The following CDKL4 variants were observed in gnomAD, a reference collection of about 807,000 sequenced individuals.
CDKL4 encodes cyclin dependent kinase like 4, also known as cyclin-dependent kinase-like 4.
In CDKL4, 44 loss-of-function variants were observed where a neutral mutation model predicts 42.0. The observed-to-expected ratio is 1.05, with a 90% confidence interval of 0.82 to 1.35. The LOEUF (loss-of-function observed/expected upper bound fraction) is 1.35. Ranked by LOEUF, CDKL4 falls within the 40% of genes most tolerant of loss-of-function variation. The pLI is 0.00. For synonymous variants in CDKL4, 120 were observed against 121.6 expected, an observed-to-expected ratio of 0.99 and a Z score of 0.09; for missense variants, 393 against 369.9, an observed-to-expected ratio of 1.06 and a Z score of -0.51.
At chr2:39,203,740 G>A (rs1202190478) in intron 5 of CDKL4, among the ~76,000 whole-genome samples, 1 of 152,122 alleles carries the variant, frequency 6.6e-6, no homozygotes, top group Non-Finnish European at 1.5e-5. Context: ...TTTGTAACTC[G>A]ATAGTTTTCC....
chr2:39,230,234 C>T (rs1465226734), intron 1 of CDKL4, among the ~76,000 whole-genome samples: 1 of 152,190 alleles, frequency 6.6e-6, no homozygotes, highest in Non-Finnish European at 1.5e-5. Context: ...ACAAAATTAG[C>T]CAGGTGTGGT....
Position 39,179,391 on chromosome 2 carries a change from G to A in CDKL4, c.793-70C>T, listed in dbSNP as rs910297203. The A allele has an allele frequency of 6.5e-6, 8 of 1,222,844 alleles. No individual in the cohort carries two copies. In the East Asian group the frequency reaches 1.7e-4, roughly 26 times the overall value. 75.7% of individuals were successfully genotyped at this position (1,222,844 alleles called of 1,614,324 possible). A position where few individuals can be genotyped will look rare whatever the true frequency, so the allele number is the denominator to read the frequency against. ...CATTTTGTTACCGTGCCCACAAACT[G>A]AATAACTTGCTAGGATAAATATGAG... On this transcript the variant is annotated intron_variant, in intron 8 of 9. Transcript: ENST00000451199.
chr2:39,221,682 T>A (rs982412927), intron 3 of CDKL4, among the ~76,000 whole-genome samples: 1 of 152,236 alleles, frequency 6.6e-6, no homozygotes, highest in Non-Finnish European at 1.5e-5. Flanking sequence ...AACTTAAGAG[T>A]GCAAAGTGGG....
chr2:39,192,226 T>A (rs529539494), intron 5 of CDKL4, among the ~76,000 whole-genome samples: 1 of 152,316 alleles, frequency 6.6e-6, no homozygotes, highest in African/African-American at 2.4e-5. Context: ...TCATATATGC[T>A]CACTGCAGAG....
intron 1 of CDKL4, among the ~76,000 whole-genome samples, chr2:39,235,039 A>T (rs934248162): frequency 6.6e-6 from 1 of 151,962 alleles, no homozygotes; most frequent in Non-Finnish European, 1.5e-5. Context: ...CACCTGGTTA[A>T]TATTATTTAT....
chr2:39,239,102 T>C (rs1679516937), intron 1 of CDKL4, among the ~76,000 whole-genome samples: 1 of 152,186 alleles, frequency 6.6e-6, no homozygotes, highest in African/African-American at 2.4e-5. Context: ...GAAAGAATAG[T>C]CTTTTCAACA....
chr2:39,194,430 T>G (rs1239399606), intron 5 of CDKL4, among the ~76,000 whole-genome samples: 1 of 152,152 alleles, frequency 6.6e-6, no homozygotes, highest in East Asian at 1.9e-4. Context: ...GCTGAGATAA[T>G]GCCACTGCAC....
At chr2:39,184,262 G>A (rs1309074947) in intron 8 of CDKL4, among the ~76,000 whole-genome samples, 1 of 152,150 alleles carries the variant, frequency 6.6e-6, no homozygotes, top group African/African-American at 2.4e-5. Context: ...CGCCATGAAT[G>A]GCAGACTAGG....
intron 8 of CDKL4, among the ~76,000 whole-genome samples, chr2:39,183,470 G>T (rs4670919): frequency 6.6e-6 from 1 of 152,182 alleles, no homozygotes; most frequent in Admixed American, 6.5e-5. Flanking sequence ...ACCTTAGGCA[G>T]CCAACCAGGG....
chr2:39,241,084 T>C lies in CDKL4; in HGVS notation c.-57+2787A>G, dbSNP rs542530057. Among the ~76,000 whole-genome samples the C allele has an allele frequency of 7.9e-5, 12 of 152,328 alleles. No individual in the cohort carries two copies. In the East Asian group the frequency reaches 1.7e-3, roughly 22 times the overall value. On this transcript the variant is annotated intron_variant, in intron 1 of 9. Transcript: ENST00000451199. ...ACCATAAAGGATACTTCTAAGATAA[T>C]TGGCAAAATCTAAATTTCGACTGCA...
At chr2:39,229,668 C>T (rs1216603312) in intron 1 of CDKL4, 80 bp from the exon 2 acceptor site, 1 of 596,086 alleles carries the variant, frequency 1.7e-6, no homozygotes, top group Non-Finnish European at 2.9e-6. Context: ...AATTTGTCCA[C>T]ATGCCAAAGG....
chr2:39,189,257 G>T (rs1243396733), intron 6 of CDKL4, among the ~76,000 whole-genome samples: 2 of 152,206 alleles, frequency 1.3e-5, no homozygotes, highest in Non-Finnish European at 2.9e-5. Context: ...CTGTTGGCAT[G>T]AAGCTGTGGC....
At chr2:39,184,527 C>A in intron 8 of CDKL4, 64 bp downstream of exon 8, 1 of 1,217,024 alleles carries the variant, frequency 8.2e-7, no homozygotes, top group South Asian at 1.3e-5. Context: ...CACCCCTCCT[C>A]AAATTACCAG....
At chr2:39,241,386 A>G (rs1679655314) in intron 1 of CDKL4, among the ~76,000 whole-genome samples, 1 of 152,192 alleles carries the variant, frequency 6.6e-6, no homozygotes, top group Non-Finnish European at 1.5e-5. Context: ...ATATCAAAGT[A>G]GTTATTTTAA....
intron 1 of CDKL4, among the ~76,000 whole-genome samples, chr2:39,236,773 C>T (rs1679397838): frequency 6.6e-6 from 1 of 152,062 alleles, no homozygotes; most frequent in Admixed American, 6.6e-5. Flanking sequence ...CAAGTTTACG[C>T]AACAAAATTA....
chr2:39,191,927 T>G (rs1056460626), intron 5 of CDKL4, among the ~76,000 whole-genome samples: 1 of 152,160 alleles, frequency 6.6e-6, no homozygotes, highest in Admixed American at 6.5e-5. Context: ...CTTAGTAAAG[T>G]CGTCAGGTAG....
rs1410978957 is a variant in CDKL4 at position 39,185,325 on chromosome 2, TACAC to T, written c.736-682_736-679del. ...ACACATATGTATATATACATATATA[TACAC>T]ATATGTATATATATACACATATGTA... is the stretch of plus-strand genomic sequence containing the variant. On this transcript the variant is annotated intron_variant, in intron 7 of 9. Coordinates refer to ENST00000451199, the Ensembl canonical transcript of CDKL4. Among the ~76,000 whole-genome samples, 8 of 100,828 alleles carry T rather than the reference TACAC, an allele frequency of 7.9e-5. 1 individual carries two copies. The highest frequency in any genetic ancestry group is 3.5e-4 in the African/African-American group (8 of 22,880). 66.1% of individuals were successfully genotyped at this position (100,828 alleles called of 152,430 possible).
chr2:39,175,586 A>G (rs1415021891), downstream of CDKL4: 1 of 163,814 alleles, frequency 6.1e-6, no homozygotes, highest in African/African-American at 2.4e-5. Context: ...ATGCAGGAAC[A>G]TATGTCATTT....
At chr2:39,201,309 A>AT (rs1553384927) in intron 5 of CDKL4, among the ~76,000 whole-genome samples, 2 of 151,538 alleles carry the variant, frequency 1.3e-5, no homozygotes, top group Non-Finnish European at 2.9e-5. Context: ...AAAAATAAAA[A>AT]AAAAAAAACT....
Sources: allele counts gnomAD v4.1 joint callset (sites outside exome capture counted in the v4.1 genomes callset), GRCh38; gene constraint gnomAD v4.1.1; transcripts MANE v1.5; gene names NCBI Gene and HGNC (gene_info 2026-07-23, HGNC 2026-07-21).